GXYLT2: variants seen among roughly 807,000 people sequenced by gnomAD.
GXYLT2 encodes the protein glycosyltransferase 8 domain containing 4.
In GXYLT2, 53 loss-of-function variants were observed where a neutral mutation model predicts 45.8. The observed-to-expected ratio is 1.16, with a 90% confidence interval of 0.93 to 1.46. The LOEUF is 1.46. GXYLT2 is among the 40% of genes most tolerant of loss of function. The probability of loss-of-function intolerance (pLI) is 0.00; values close to 1 mark genes in which losing one functional copy is unlikely to be tolerated. For synonymous variants in GXYLT2, 219 were observed against 214.2 expected (o/e 1.02, Z -0.19); for missense variants, 551 against 544.4 (o/e 1.01, Z -0.12).
At position 72,888,110 on chromosome 3, in the gene GXYLT2, C is replaced by A. The variant is rs1709098999; in HGVS notation, c.-124C>A. 4 of 579,462 alleles carry A rather than the reference C, an allele frequency of 6.9e-6. No individual in the cohort carries two copies. Among genetic ancestry groups the A allele is most frequent in the Admixed American group, 6.5e-5 (1 of 15,302 alleles). 35.9% of individuals were successfully genotyped at this position (579,462 alleles called of 1,614,324 possible). A position where few individuals can be genotyped will look rare whatever the true frequency, so the allele number is the denominator to read the frequency against. On this transcript the variant is annotated 5_prime_UTR_variant, in exon 1 of 7. Transcript: ENST00000389617. Reference sequence around the variant, plus strand: ...GCCGGCCGCCCGCCGGCCGCCACGACCCCAGTCCCCGGCGGGCGGGCGGAG... The same window carrying A: ...GCCGGCCGCCCGCCGGCCGCCACGAACCCAGTCCCCGGCGGGCGGGCGGAG...
intron 3 of GXYLT2, among the ~76,000 whole-genome samples, chr3:72,945,301 A>C (rs1176563110): frequency 6.6e-5 from 3 of 45,534 alleles, no homozygotes; most frequent in Non-Finnish European, 1.2e-4. Context: ...AAATAAAAAA[A>C]TAAAAATAAA....
At chr3:72,929,764 A>G (rs1709991358) in intron 3 of GXYLT2, among the ~76,000 whole-genome samples, 1 of 152,274 alleles carries the variant, frequency 6.6e-6, no homozygotes, top group Non-Finnish European at 1.5e-5. Flanking sequence ...GAATAGAGGA[A>G]CAACAAAAAT....
At chr3:72,973,129 G>T (rs1006727162) in intron 6 of GXYLT2, among the ~76,000 whole-genome samples, 6 of 152,132 alleles carry the variant, frequency 3.9e-5, no homozygotes, top group African/African-American at 1.2e-4. Context: ...ATAGTGAAAG[G>T]TGAAAGGAGT....
At chr3:72,972,974 G>A (rs1207188735) in intron 6 of GXYLT2, among the ~76,000 whole-genome samples, 1 of 152,030 alleles carries the variant, frequency 6.6e-6, no homozygotes. Flanking sequence ...GCAAGTGCCT[G>A]TGGTCCCAGC....
intron 1 of GXYLT2, among the ~76,000 whole-genome samples, chr3:72,902,690 A>T (rs13100886): frequency 0.29 from 42,440 of 147,696 alleles, 6,412 homozygotes; most frequent in Non-Finnish European, 0.34. Flanking sequence ...ATAAATAAAT[A>T]AAATAAATAA....
At chr3:72,938,628 G>T (rs1710235651) in intron 3 of GXYLT2, among the ~76,000 whole-genome samples, 2 of 152,182 alleles carry the variant, frequency 1.3e-5, no homozygotes, top group Non-Finnish European at 1.5e-5. Flanking sequence ...TGCTGGCTGG[G>T]ATTGCAACAC....
chr3:72,929,049 C>A, intron 3 of GXYLT2: 1 of 1,572,590 alleles, frequency 6.4e-7, no homozygotes. Context: ...GCCGTGACGA[C>A]CGCGTCCACC....
In GXYLT2 at chr3:72,958,907, T is replaced by C. The variant is rs532414689; in HGVS notation, c.976+1555T>C. On this transcript the variant is annotated intron_variant, in intron 5 of 6. Coordinates refer to ENST00000389617, the MANE Select transcript of GXYLT2 (RefSeq NM_001080393.2). ...TCCTCCTCCCAAAGTGCTGGGATTGTAGGCATCAGCCACGGTGCCCAGGTA... is the reference window on the plus strand; with the variant it reads ...TCCTCCTCCCAAAGTGCTGGGATTGCAGGCATCAGCCACGGTGCCCAGGTA... Among the ~76,000 whole-genome samples, 5 of 151,200 alleles carry C rather than the reference T, an allele frequency of 3.3e-5. No homozygotes were observed. The East Asian group carries it at 9.8e-4, about 30-fold the overall frequency.
rs762722197 is a variant in GXYLT2 at position 72,975,056 on chromosome 3, G to A, written c.1229G>A (p.Cys410Tyr). 1 of 1,613,508 alleles carries A rather than the reference G, an allele frequency of 6.2e-7. No individual in the cohort carries two copies. Among genetic ancestry groups the A allele is most frequent in the Non-Finnish European group, 8.5e-7 (1 of 1,179,616 alleles). Residue 410 changes from cysteine to tyrosine, a missense_variant, in exon 7 of 7, where the codon TGT becomes TAT. Transcript: ENST00000389617. Reference protein sequence around the residue: ...LKFLETVHTLCGRIPQVFLKQ... With the variant: ...LKFLETVHTLYGRIPQVFLKQ... Reference sequence around the variant, plus strand: ...TTTTTGGAGACTGTGCACACTTTATGTGGACGAATCCCGCAAGTTTTTCTG... The same window carrying A: ...TTTTTGGAGACTGTGCACACTTTATATGGACGAATCCCGCAAGTTTTTCTG...
chr3:72,905,169 G>A (rs1191414339), intron 1 of GXYLT2, among the ~76,000 whole-genome samples: 2 of 151,656 alleles, frequency 1.3e-5, no homozygotes, highest in Non-Finnish European at 2.9e-5. Context: ...CCAGGCTGGA[G>A]TGCAGTGGCA....
At chr3:72,914,542 T>C (rs1016159018) in intron 2 of GXYLT2, among the ~76,000 whole-genome samples, 8 of 151,100 alleles carry the variant, frequency 5.3e-5, no homozygotes, top group African/African-American at 2.0e-4. Flanking sequence ...TGTGTGTGTG[T>C]GTGTGCGCGC....
intron 1 of GXYLT2, among the ~76,000 whole-genome samples, chr3:72,896,747 G>A (rs1021667455): frequency 6.6e-6 from 1 of 152,068 alleles, no homozygotes; most frequent in Admixed American, 6.6e-5. Flanking sequence ...TACTCTGGAG[G>A]CTGAGGCAAG....
In GXYLT2 at chr3:72,895,882, G is replaced by A. The variant is rs115865201; in HGVS notation, c.275+7374G>A. ...GATCCCCCATCTCTTTTAGCAACAT[G>A]AGAGACTGTAATCTCATATGGTACA... On this transcript the variant is annotated intron_variant, in intron 1 of 6. Transcript: ENST00000389617. Among the ~76,000 whole-genome samples the A allele has an allele frequency of 5.4e-3, 828 of 152,294 alleles. 9 individuals carry two copies. Among genetic ancestry groups the A allele is most frequent in the African/African-American group, 0.019 (786 of 41,556 alleles).
chr3:72,956,040 T>C (rs1332208013), intron 4 of GXYLT2, among the ~76,000 whole-genome samples: 6 of 152,220 alleles, frequency 3.9e-5, no homozygotes, highest in Non-Finnish European at 7.3e-5. Context: ...ATCACGCCAC[T>C]GTACTCCAGC....
Position 72,888,195 on chromosome 3 carries a change from C to G in GXYLT2, c.-39C>G. 1.0e-6 allele frequency: 1 copy of G among 985,310 alleles called. No individual in the cohort carries two copies. The highest frequency in any genetic ancestry group is 1.2e-6 in the Non-Finnish European group (1 of 831,802). 61.0% of individuals were successfully genotyped at this position (985,310 alleles called of 1,614,324 possible). ...CCGCCGCCGCGATGCGCAGAGGGGC[C>G]GAGCCGCCTGGGGGCCGCCGCCGCC... On this transcript the variant is annotated 5_prime_UTR_variant, in exon 1 of 7. Coordinates refer to ENST00000389617, the MANE Select transcript of GXYLT2 (RefSeq NM_001080393.2).
intron 3 of GXYLT2, among the ~76,000 whole-genome samples, chr3:72,932,464 T>C (rs1382135278): frequency 6.6e-6 from 1 of 152,242 alleles, no homozygotes; most frequent in Non-Finnish European, 1.5e-5. Context: ...AAGAAACCAT[T>C]GTTTAATCCA....
intron 1 of GXYLT2, among the ~76,000 whole-genome samples, chr3:72,889,964 G>GCTGCGATCT (rs2107052378): frequency 7.0e-6 from 1 of 142,928 alleles, no homozygotes; most frequent in African/African-American, 2.7e-5. Context: ...GGAGTGCCGT[G>GCTGCGATCT]CTGCGATCTC....
At position 72,894,767 on chromosome 3, in the gene GXYLT2, G is replaced by A. The variant is rs367664235; in HGVS notation, c.275+6259G>A. ...TGCCAGGTGGAGGTTGTTGAGGGGA[G>A]GATGGCAAGTGAAAACGCTATAATA... is the stretch of plus-strand genomic sequence containing the variant. On this transcript the variant is annotated intron_variant, in intron 1 of 6. Coordinates refer to ENST00000389617, the MANE Select transcript of GXYLT2 (RefSeq NM_001080393.2). Among the ~76,000 whole-genome samples the A allele has an allele frequency of 5.3e-5, 8 of 152,316 alleles. No homozygotes were observed. In the East Asian group the frequency reaches 7.7e-4, roughly 15 times the overall value.
intron 2 of GXYLT2, among the ~76,000 whole-genome samples, chr3:72,916,636 T>A (rs192900918): frequency 6.4e-4 from 97 of 152,126 alleles, no homozygotes; most frequent in African/African-American, 2.3e-3. Flanking sequence ...GCCTCCTGGG[T>A]TCCAGTGCTT....
Sources: gnomAD v4.1 joint callset for allele counts (sites outside exome capture counted in the v4.1 genomes callset) on GRCh38, gnomAD v4.1.1 for gene constraint, MANE v1.5 for transcripts, NCBI Gene and HGNC (gene_info 2026-07-23, HGNC 2026-07-21) for gene names.